TSHZ2: variants seen among roughly 807,000 people sequenced by gnomAD.
TSHZ2 encodes teashirt homolog 2.
A neutral mutation model predicts 74.4 loss-of-function variants in TSHZ2; 21 were observed. The ratio of observed to expected loss-of-function variants is 0.28; its 90% CI spans 0.20 to 0.41. The LOEUF is 0.41. TSHZ2 is among the 10% of genes least tolerant of loss of function. The probability of loss-of-function intolerance (pLI) is 1.00; values close to 1 mark genes in which losing one functional copy is unlikely to be tolerated. For synonymous variants in TSHZ2, 540 were observed against 515.3 expected (o/e 1.05, Z -0.65); for missense variants, 1,244 against 1,293.5 (o/e 0.96, Z 0.59).
At chr20:53,296,435 A>G (rs1178029873) in intron 2 of TSHZ2, among the ~76,000 whole-genome samples, 1 of 152,202 alleles carries the variant, frequency 6.6e-6, no homozygotes, top group African/African-American at 2.4e-5. Flanking sequence ...AACCTCCTTC[A>G]AATTAGGCTC....
chr20:52,978,637 G>A (rs530262764), intron 1 of TSHZ2, among the ~76,000 whole-genome samples: 18 of 152,150 alleles, frequency 1.2e-4, no homozygotes, highest in African/African-American at 3.6e-4. Context: ...GTCTTGCATC[G>A]CTTCCCTGAA....
intron 1 of TSHZ2, among the ~76,000 whole-genome samples, chr20:53,115,910 GA>G (rs1986654047): frequency 6.6e-6 from 1 of 152,170 alleles, no homozygotes; most frequent in Non-Finnish European, 1.5e-5. Context: ...AACAACAAAG[GA>G]ATGAGTGGAT....
intron 2 of TSHZ2, among the ~76,000 whole-genome samples, chr20:53,463,380 GAGGAAGGAAGGA>G (rs3042220): frequency 0.03 from 2,091 of 68,610 alleles, 35 homozygotes; most frequent in Middle Eastern, 0.044. Flanking sequence ...CAGAGAGAGA[GAGGAAGGAAGGA>G]AGGAAGGAAG....
rs1256819829 is a variant in TSHZ2, at chr20:53,459,653, G to C, written c.*9-27491G>C. ...AGTTGATGCAGTTTCTTCCTAGTCT[G>C]GATGGTCTTTACATTTTGGCATGAT... On this transcript the variant is annotated intron_variant, in intron 2 of 2. Coordinates refer to ENST00000371497, the MANE Select transcript of TSHZ2 (RefSeq NM_173485.6). 2.2e-4 allele frequency among the ~76,000 whole-genome samples: 31 copies of C among 141,856 alleles called. No individual in the cohort carries two copies. In the South Asian group the frequency reaches 2.4e-3, roughly 11 times the overall value. 93.1% of individuals were successfully genotyped at this position (141,856 alleles called of 152,430 possible).
intron 1 of TSHZ2, among the ~76,000 whole-genome samples, chr20:53,188,597 G>T (rs915855753): frequency 1.3e-5 from 2 of 152,172 alleles, no homozygotes; most frequent in Non-Finnish European, 1.5e-5. Context: ...CAGAATAAAT[G>T]TCCACAAGCC....
chr20:53,260,201 A>G (rs1461708127), intron 2 of TSHZ2, among the ~76,000 whole-genome samples: 2 of 152,220 alleles, frequency 1.3e-5, no homozygotes, highest in African/African-American at 2.4e-5. Context: ...AGTTCTACCA[A>G]TTGTAATAGC....
intron 1 of TSHZ2, among the ~76,000 whole-genome samples, chr20:53,221,265 T>C (rs1169658242): frequency 2.0e-5 from 3 of 152,188 alleles, no homozygotes; most frequent in Non-Finnish European, 2.9e-5. Context: ...ACCTCCTTCC[T>C]TTATAAATTA....
intron 2 of TSHZ2, chr20:53,421,504 T>G (rs1258759190): frequency 8.7e-6 from 2 of 231,138 alleles, no homozygotes; most frequent in Non-Finnish European, 1.8e-5. Flanking sequence ...GTTTTTCATC[T>G]GCACTGCCAA....
At chr20:53,392,332 T>A (rs1011747850) in intron 2 of TSHZ2, among the ~76,000 whole-genome samples, 25 of 152,036 alleles carry the variant, frequency 1.6e-4, no homozygotes, top group African/African-American at 5.6e-4. Flanking sequence ...TAATCCCAGC[T>A]ACTTGGGAGG....
intron 2 of TSHZ2, among the ~76,000 whole-genome samples, chr20:53,390,640 A>G (rs1437002652): frequency 1.3e-5 from 2 of 152,206 alleles, no homozygotes; most frequent in Admixed American, 6.5e-5. Flanking sequence ...AATGATTTGT[A>G]ATCCTTTGGG....
chr20:52,984,810 A>G (rs1981693870), intron 1 of TSHZ2, among the ~76,000 whole-genome samples: 1 of 152,190 alleles, frequency 6.6e-6, no homozygotes, highest in Admixed American at 6.5e-5. Flanking sequence ...CGGAAGAGCC[A>G]TGACAGTGGT....
intron 1 of TSHZ2, among the ~76,000 whole-genome samples, chr20:53,193,137 C>A (rs1247532680): frequency 1.3e-5 from 2 of 150,048 alleles, no homozygotes; most frequent in African/African-American, 4.9e-5. Context: ...GAATGTTCCT[C>A]CTTTGGGCAA....
intron 1 of TSHZ2, among the ~76,000 whole-genome samples, chr20:53,014,222 AAGAGAGC>A (rs1982954480): frequency 7.2e-6 from 1 of 139,228 alleles, no homozygotes; most frequent in African/African-American, 2.6e-5. Context: ...AGAGAGAGAG[AAGAGAGC>A]GAGTGCACAT....
intron 1 of TSHZ2, among the ~76,000 whole-genome samples, chr20:53,139,287 G>A (rs1425444214): frequency 6.6e-6 from 1 of 152,106 alleles, no homozygotes; most frequent in Non-Finnish European, 1.5e-5. Flanking sequence ...TACAGGGTCT[G>A]GTTTATAGTA....
chr20:53,157,518 T>C (rs1987826187), intron 1 of TSHZ2, among the ~76,000 whole-genome samples: 1 of 151,478 alleles, frequency 6.6e-6, no homozygotes, highest in African/African-American at 2.4e-5. Flanking sequence ...GCAATCCTCA[T>C]GCTTTAGCCT....
rs1986514467 is a variant in TSHZ2 at position 53,494,059 on chromosome 20, CG to C, written c.*6926del. ...CTGCACTTTGGAAGGCTGAGGCAGG[CG>C]GATCACTTGAGGTCAGGAGTTTCAG... On this transcript the variant is annotated 3_prime_UTR_variant, in exon 3 of 3. Transcript: ENST00000371497. The C allele has an allele frequency of 6.6e-6, 1 of 152,214 alleles. No individual in the cohort carries two copies. Among genetic ancestry groups the C allele is most frequent in the Non-Finnish European group, 1.5e-5 (1 of 68,114 alleles). The allele number at this position is 152,214 out of a possible 1,614,324, so 9.4% of individuals were successfully genotyped here.
intron 2 of TSHZ2, among the ~76,000 whole-genome samples, chr20:53,274,334 A>AT (rs1990898974): frequency 6.6e-6 from 1 of 152,216 alleles, no homozygotes; most frequent in Non-Finnish European, 1.5e-5. Flanking sequence ...AAGTGTAAAG[A>AT]CAAAAGGTCC....
intron 2 of TSHZ2, among the ~76,000 whole-genome samples, chr20:53,331,566 G>A (rs1261212049): frequency 6.6e-6 from 1 of 152,128 alleles, no homozygotes; most frequent in African/African-American, 2.4e-5. Context: ...GAGCACAAAA[G>A]AGCCAGGCGT....
chr20:53,238,655 G>C (rs1410132317), intron 1 of TSHZ2, among the ~76,000 whole-genome samples: 1 of 151,902 alleles, frequency 6.6e-6, no homozygotes. Flanking sequence ...TGCACACACA[G>C]GATGTCTATA....
Sources: allele counts gnomAD v4.1 joint callset (sites outside exome capture counted in the v4.1 genomes callset), GRCh38; gene constraint gnomAD v4.1.1; transcripts MANE v1.5; gene names NCBI Gene and HGNC (gene_info 2026-07-23, HGNC 2026-07-21).